The following MRPS28 variants were observed in gnomAD, a reference collection of about 807,000 sequenced individuals.
MRPS28 encodes the protein small ribosomal subunit protein bS1m.
Under a neutral mutation model 10.8 loss-of-function variants are expected in MRPS28, and 7 were observed. That is an observed-to-expected ratio of 0.65 (90% confidence interval 0.37 to 1.22). The LOEUF (loss-of-function observed/expected upper bound fraction) is 1.22, where lower values mean the gene tolerates loss of function less well. Among genes scored for constraint, MRPS28 ranks in the 50% most tolerant of loss-of-function variants. The pLI is 0.02. For synonymous variants in MRPS28, 121 were observed against 93.3 expected, an observed-to-expected ratio of 1.30 and a Z score of -1.71; for missense variants, 265 against 232.9, an observed-to-expected ratio of 1.14 and a Z score of -0.90.
Position 79,925,992 on chromosome 8 carries a change from GAAAAGAAAAAAAA to G in MRPS28, c.396-6857_396-6845del, listed in dbSNP as rs1008340933. ...ACAGAGCAAGACCCTGTAGAGAAAAGAAAAGAAAAAAAAAAAAGAAAAAAAGAGAGAAAAGAAA... is the reference window on the plus strand; with the variant it reads ...ACAGAGCAAGACCCTGTAGAGAAAAGAAAAGAAAAAAAGAGAGAAAAGAAA... On this transcript the variant is annotated intron_variant, in intron 2 of 2. Transcript: ENST00000276585. Among the ~76,000 whole-genome samples the G allele has an allele frequency of 9.1e-5, 9 of 99,068 alleles. 1 individual carries two copies. Among genetic ancestry groups the G allele is most frequent in the Admixed American group, 1.0e-4 (1 of 9,806 alleles). The allele number at this position is 99,068 out of a possible 152,430, so 65.0% of individuals were successfully genotyped here.
intron 2 of MRPS28, among the ~76,000 whole-genome samples, chr8:79,991,809 A>T (rs1490807944): frequency 6.6e-6 from 1 of 152,196 alleles, no homozygotes; most frequent in Non-Finnish European, 1.5e-5. Context: ...TCTCTTGAGT[A>T]TAGGCTGGGC....
intron 1 of MRPS28, among the ~76,000 whole-genome samples, chr8:80,005,326 A>G (rs1338896359): frequency 1.3e-5 from 2 of 152,326 alleles, no homozygotes; most frequent in South Asian, 2.1e-4. Context: ...AGTGGGGGCC[A>G]ATATTCAACA....
chr8:79,959,957 A>C (rs925452359), intron 2 of MRPS28, among the ~76,000 whole-genome samples: 2 of 152,146 alleles, frequency 1.3e-5, no homozygotes, highest in African/African-American at 4.8e-5. Context: ...ACGTCTCAAC[A>C]CTGCCAAATC....
intron 2 of MRPS28, among the ~76,000 whole-genome samples, chr8:79,992,646 C>T (rs1201018631): frequency 1.3e-5 from 2 of 152,136 alleles, no homozygotes; most frequent in East Asian, 3.8e-4. Flanking sequence ...GATTAAGGTA[C>T]TCAATAAATA....
chr8:79,970,465 T>C (rs2130036708), intron 2 of MRPS28, among the ~76,000 whole-genome samples: 1 of 152,334 alleles, frequency 6.6e-6, no homozygotes, highest in African/African-American at 2.4e-5. Context: ...TGACATTTTA[T>C]AGGACAATGT....
chr8:79,943,604 G>C (rs1184215483), intron 2 of MRPS28, among the ~76,000 whole-genome samples: 1 of 152,150 alleles, frequency 6.6e-6, no homozygotes, highest in Non-Finnish European at 1.5e-5. Flanking sequence ...GTTTTGATGT[G>C]TTTTTACTTC....
At position 79,935,342 on chromosome 8, in the gene MRPS28, CT is replaced by C. The variant is rs1243744811; in HGVS notation, c.396-16195del. 3.9e-5 allele frequency among the ~76,000 whole-genome samples: 6 copies of C among 152,104 alleles called. No individual in the cohort carries two copies. The East Asian group carries it at 1.2e-3, about 29-fold the overall frequency. On this transcript the variant is annotated intron_variant, in intron 2 of 2. Transcript: ENST00000276585. ...AACTGGCTCTTTTCTTTTTTTCTTT[CT>C]TTTCCTTTCTTTCTTCTTCTTCTTT...
chr8:79,995,034 G>T (rs1318438321), intron 2 of MRPS28, among the ~76,000 whole-genome samples: 1 of 152,080 alleles, frequency 6.6e-6, no homozygotes, highest in Non-Finnish European at 1.5e-5. Flanking sequence ...CAAGCAGATT[G>T]AACCATCGAT....
At chr8:79,991,283 A>G (rs574502258) in intron 2 of MRPS28, among the ~76,000 whole-genome samples, 6 of 152,332 alleles carry the variant, frequency 3.9e-5, no homozygotes, top group Admixed American at 3.9e-4. Flanking sequence ...TGAGATAGAA[A>G]TAACTACTTA....
intron 2 of MRPS28, among the ~76,000 whole-genome samples, chr8:79,997,104 T>C (rs1341104676): frequency 6.6e-6 from 1 of 152,150 alleles, no homozygotes; most frequent in Non-Finnish European, 1.5e-5. Context: ...GGAAATCAGA[T>C]GGAATATAGA....
intron 1 of MRPS28, among the ~76,000 whole-genome samples, chr8:80,019,908 G>A (rs1321786784): frequency 1.3e-5 from 2 of 152,172 alleles, no homozygotes; most frequent in Non-Finnish European, 2.9e-5. Flanking sequence ...CCAAGGTTAA[G>A]GACACGCCCA....
intron 2 of MRPS28, among the ~76,000 whole-genome samples, chr8:79,973,486 C>G (rs1239749091): frequency 6.6e-6 from 1 of 152,080 alleles, no homozygotes; most frequent in East Asian, 1.9e-4. Flanking sequence ...GACACACCCC[C>G]ATCTCCAAAT....
At chr8:80,009,563 C>G (rs919798020) in intron 1 of MRPS28, among the ~76,000 whole-genome samples, 1 of 151,814 alleles carries the variant, frequency 6.6e-6, no homozygotes, top group African/African-American at 2.4e-5. Context: ...TTACGGTGAG[C>G]CGAGATCACG....
At chr8:79,992,876 T>C (rs1428568063) in intron 2 of MRPS28, among the ~76,000 whole-genome samples, 1 of 152,198 alleles carries the variant, frequency 6.6e-6, no homozygotes. Context: ...AACAGTATCT[T>C]AGAGTAATAA....
At chr8:79,945,882 T>TA (rs1315954407) in intron 2 of MRPS28, among the ~76,000 whole-genome samples, 3 of 152,208 alleles carry the variant, frequency 2.0e-5, no homozygotes, top group African/African-American at 7.2e-5. Flanking sequence ...GAACATTTAA[T>TA]ATGTGCCAAA....
At chr8:79,979,915 C>CAAA (rs61633169) in intron 2 of MRPS28, among the ~76,000 whole-genome samples, 4,816 of 31,282 alleles carry the variant, frequency 0.15, 1,896 homozygotes, top group Non-Finnish European at 0.23. Context: ...GATTCTCACG[C>CAAA]AAAAAAAAAA....
chr8:79,944,071 T>G (rs1806838381), intron 2 of MRPS28, among the ~76,000 whole-genome samples: 1 of 152,220 alleles, frequency 6.6e-6, no homozygotes, highest in Non-Finnish European at 1.5e-5. Flanking sequence ...AAAATTTCAT[T>G]GGTGAAAACA....
At chr8:80,018,619 C>CATA (rs1227461043) in intron 1 of MRPS28, among the ~76,000 whole-genome samples, 1 of 152,162 alleles carries the variant, frequency 6.6e-6, no homozygotes, top group African/African-American at 2.4e-5. Context: ...ATAGAGCCAC[C>CATA]ATATGATCCA....
rs182214965 is a variant in MRPS28 at position 79,986,510 on chromosome 8, G to A, written c.395+16489C>T. Among the ~76,000 whole-genome samples, 5 of 152,286 alleles carry A rather than the reference G, an allele frequency of 3.3e-5. No homozygotes were observed. The East Asian group carries it at 9.7e-4, about 29-fold the overall frequency. On this transcript the variant is annotated intron_variant, in intron 2 of 2. Coordinates refer to ENST00000276585, the MANE Select transcript of MRPS28 (RefSeq NM_014018.3). ...GTCCCTGTTTGCAGATGACATGATT[G>A]TATATCTAGAAAACCCCGTTGTCTC...
Sources: allele counts gnomAD v4.1 joint callset (sites outside exome capture counted in the v4.1 genomes callset), GRCh38; gene constraint gnomAD v4.1.1; transcripts MANE v1.5; gene names NCBI Gene and HGNC (gene_info 2026-07-23, HGNC 2026-07-21).